The following CRB1 variants were observed in gnomAD, a reference collection of about 807,000 sequenced individuals.
CRB1 encodes crumbs cell polarity complex component 1.
A neutral mutation model predicts 120.0 loss-of-function variants in CRB1; 83 were observed. That is an observed-to-expected ratio of 0.69 (90% CI 0.58 to 0.83). CRB1 has a LOEUF of 0.83. Ranked by LOEUF, CRB1 falls within the 40% of genes least tolerant of loss-of-function variation. The probability of loss-of-function intolerance (pLI) is 0.00; values close to 1 mark genes in which losing one functional copy is unlikely to be tolerated. For synonymous variants in CRB1, 625 were observed against 612.5 expected, an observed-to-expected ratio of 1.02 and a Z score of -0.30; for missense variants, 1,699 against 1,687.6, an observed-to-expected ratio of 1.01 and a Z score of -0.12.
chr1:197,297,640 A>G (rs367821241), intron 1 of CRB1, among the ~76,000 whole-genome samples: 4 of 152,228 alleles, frequency 2.6e-5, no homozygotes, highest in South Asian at 2.1e-4. Flanking sequence ...GGGGATATCA[A>G]TCTATACGTA....
intron 1 of CRB1, among the ~76,000 whole-genome samples, chr1:197,305,476 A>G (rs1439355289): frequency 6.6e-6 from 1 of 152,036 alleles, no homozygotes. Flanking sequence ...AAGAGTGTAT[A>G]ATTAACTGTA....
chr1:197,346,913 A>T (rs1280806333), intron 3 of CRB1, among the ~76,000 whole-genome samples: 1 of 152,240 alleles, frequency 6.6e-6, no homozygotes, highest in African/African-American at 2.4e-5. Context: ...TCTGTATAAC[A>T]GAGTGCCATG....
chr1:197,353,825 A>T (rs527826343), intron 4 of CRB1, among the ~76,000 whole-genome samples: 1 of 150,990 alleles, frequency 6.6e-6, no homozygotes, highest in African/African-American at 2.4e-5. Flanking sequence ...AAAAAAAAAA[A>T]AAAAAAAAAA....
chr1:197,410,084 CAGTA>C (rs775143241), intron 5 of CRB1, among the ~76,000 whole-genome samples: 2 of 152,224 alleles, frequency 1.3e-5, no homozygotes, highest in Admixed American at 1.3e-4. Context: ...TGCGCCCGGC[CAGTA>C]AGTGTTAGTT....
chr1:197,210,666 A>G, the CRB1 span, among the ~76,000 whole-genome samples: 1 of 152,104 alleles, frequency 6.6e-6, no homozygotes, highest in African/African-American at 2.4e-5. Flanking sequence ...CCAGCAATGA[A>G]AATTAAGAAA....
chr1:197,258,376 C>T, the CRB1 span, among the ~76,000 whole-genome samples: 1 of 152,188 alleles, frequency 6.6e-6, no homozygotes, highest in East Asian at 1.9e-4. Flanking sequence ...TCTGCACAAC[C>T]CATCTTTTGG....
At chr1:197,314,039 G>C (rs1382345443) in intron 1 of CRB1, among the ~76,000 whole-genome samples, 1 of 152,168 alleles carries the variant, frequency 6.6e-6, no homozygotes, top group Non-Finnish European at 1.5e-5. Context: ...ACTAAGATTT[G>C]CTAAGGTTCT....
intron 1 of CRB1, among the ~76,000 whole-genome samples, chr1:197,325,808 T>G (rs1017509034): frequency 2.0e-5 from 3 of 152,192 alleles, no homozygotes; most frequent in Non-Finnish European, 4.4e-5. Context: ...GGAGTGTTTA[T>G]CTAGCTAAAT....
chr1:197,354,226 T>G (rs899728215), intron 4 of CRB1, among the ~76,000 whole-genome samples: 4 of 152,232 alleles, frequency 2.6e-5, no homozygotes, highest in Non-Finnish European at 5.9e-5. Context: ...TAGAGATGTT[T>G]GGCAGCTTTT....
intron 5 of CRB1, among the ~76,000 whole-genome samples, chr1:197,416,291 T>A (rs1352567672): frequency 6.6e-6 from 1 of 152,246 alleles, no homozygotes; most frequent in Non-Finnish European, 1.5e-5. Flanking sequence ...AGATTTCATA[T>A]CTAAAGATGT....
chr1:197,385,506 TCTC>T (rs1169902694), intron 5 of CRB1, among the ~76,000 whole-genome samples: 2 of 152,050 alleles, frequency 1.3e-5, no homozygotes, highest in Admixed American at 6.6e-5. Context: ...TCCTCATACT[TCTC>T]CTCCTGACTC....
At chr1:197,313,131 G>A (rs1293373269) in intron 1 of CRB1, among the ~76,000 whole-genome samples, 4 of 152,154 alleles carry the variant, frequency 2.6e-5, no homozygotes, top group Non-Finnish European at 5.9e-5. Context: ...CGTGGCAGCA[G>A]GGGAAAGAGA....
Position 197,429,631 on chromosome 1 carries a change from C to T in CRB1, c.2842+17C>T. 6.2e-7 allele frequency: 1 copy of T among 1,612,038 alleles called. No homozygotes were observed. The highest frequency in any genetic ancestry group is 8.5e-7 in the Non-Finnish European group (1 of 1,178,344). ...GATTTGAATGTAGGTAGAGTTCAAA[C>T]CTACCATCTCACCAGTTAAGTTGCG... On this transcript the variant is annotated intron_variant, in intron 8 of 11. Transcript: ENST00000367400.
chr1:197,431,541 G>T (rs2125493014), intron 8 of CRB1, among the ~76,000 whole-genome samples: 1 of 152,192 alleles, frequency 6.6e-6, no homozygotes, highest in East Asian at 1.9e-4. Context: ...TGTTCTACCT[G>T]GTGTCCGAAT....
intron 5 of CRB1, among the ~76,000 whole-genome samples, chr1:197,395,933 T>C (rs1662747419): frequency 6.6e-6 from 1 of 152,164 alleles, no homozygotes; most frequent in Admixed American, 6.5e-5. Flanking sequence ...AGATCAAGAT[T>C]AACACAAAGG....
intron 2 of CRB1, among the ~76,000 whole-genome samples, chr1:197,335,342 A>C (rs950267230): frequency 6.6e-6 from 1 of 152,200 alleles, no homozygotes; most frequent in African/African-American, 2.4e-5. Flanking sequence ...CTTACATTTT[A>C]ACAAGGTCAC....
At chr1:197,287,981 G>T (rs1345936606) in intron 1 of CRB1, among the ~76,000 whole-genome samples, 1 of 151,918 alleles carries the variant, frequency 6.6e-6, no homozygotes, top group South Asian at 2.1e-4. Context: ...AAACAAACAA[G>T]GTGAGCCCTA....
At chr1:197,448,053 T>C (rs752778851) in intron 11 of CRB1, among the ~76,000 whole-genome samples, 2 of 152,176 alleles carry the variant, frequency 1.3e-5, no homozygotes, top group African/African-American at 2.4e-5. Flanking sequence ...CAAATCAATC[T>C]TTTCTCCTGT....
In CRB1 at chr1:197,336,032, A is replaced by G. The variant is rs576950719; in HGVS notation, c.652+7029A>G. On this transcript the variant is annotated intron_variant, in intron 2 of 11. Coordinates refer to ENST00000367400, the MANE Select transcript of CRB1 (RefSeq NM_201253.3). ...AGTAGCTTCTGTCCACCATATTGCC[A>G]TGCAGTGTCTTTCACGTACACAACT... Among the ~76,000 whole-genome samples the G allele has an allele frequency of 5.3e-5, 8 of 152,336 alleles. No homozygotes were observed. In the East Asian group the frequency reaches 1.4e-3, roughly 26 times the overall value.
Sources: allele counts gnomAD v4.1 joint callset (sites outside exome capture counted in the v4.1 genomes callset), GRCh38; gene constraint gnomAD v4.1.1; transcripts MANE v1.5; gene names NCBI Gene and HGNC (gene_info 2026-07-23, HGNC 2026-07-21).